Variants in RCOR1 observed in about 807,000 individuals in gnomAD.
The protein encoded by RCOR1 is REST corepressor 1, also known as REST corepressor.
Under a neutral mutation model 64.0 loss-of-function variants are expected in RCOR1, and 12 were observed. The observed-to-expected ratio is 0.19, with a 90% CI of 0.12 to 0.30. The LOEUF (loss-of-function observed/expected upper bound fraction) is 0.30. Among genes scored for constraint, RCOR1 ranks in the 10% least tolerant of loss-of-function variants. RCOR1 has a pLI of 1.00. For synonymous variants in RCOR1, 279 were observed against 227.2 expected (o/e 1.23, Z -2.05); for missense variants, 502 against 621.2 (o/e 0.81, Z 2.04).
In RCOR1 at chr14:102,717,179, A is replaced by G. The variant is rs116041206; in HGVS notation, c.1053+2562A>G. On this transcript the variant is annotated intron_variant, in intron 8 of 11. Coordinates refer to ENST00000262241, the MANE Select transcript of RCOR1 (RefSeq NM_015156.4). ...ATAGTACATTTAAACTGAAAATTCA[A>G]CCTAGTAGTTGGGTCCTGTCCTTTC... Among the ~76,000 whole-genome samples the G allele has an allele frequency of 8.4e-3, 1,283 of 152,348 alleles. 20 individuals carry two copies. The highest frequency in any genetic ancestry group is 0.029 in the African/African-American group (1,192 of 41,574).
intron 2 of RCOR1, among the ~76,000 whole-genome samples, chr14:102,681,123 G>C (rs1210374386): frequency 6.6e-6 from 1 of 152,124 alleles, no homozygotes; most frequent in African/African-American, 2.4e-5. Flanking sequence ...TTTGTTTATA[G>C]TAGGTTGTAT....
At chr14:102,625,462 T>G (rs1893961263) in intron 2 of RCOR1, among the ~76,000 whole-genome samples, 1 of 151,804 alleles carries the variant, frequency 6.6e-6, no homozygotes, top group South Asian at 2.1e-4. Context: ...CTCGAACTCC[T>G]GACCTCAGGT....
intron 3 of RCOR1, among the ~76,000 whole-genome samples, chr14:102,698,046 G>T (rs1895681845): frequency 2.0e-5 from 3 of 152,250 alleles, no homozygotes; most frequent in Admixed American, 1.3e-4. Flanking sequence ...AAAGTTACAT[G>T]ACTTTAAAGG....
intron 2 of RCOR1, among the ~76,000 whole-genome samples, chr14:102,611,843 A>G (rs1248437310): frequency 1.3e-5 from 2 of 152,046 alleles, no homozygotes; most frequent in East Asian, 3.9e-4. Flanking sequence ...TTTTATTTAT[A>G]TTTTTAGAGA....
intron 2 of RCOR1, among the ~76,000 whole-genome samples, chr14:102,679,611 TGGGACTACAG>T (rs1468385796): frequency 3.9e-5 from 6 of 152,168 alleles, no homozygotes; most frequent in Non-Finnish European, 8.8e-5. Flanking sequence ...CCCGAGTAGC[TGGGACTACAG>T]GCGCCCGCCA....
chr14:102,652,485 T>G (rs1194260080), intron 2 of RCOR1, among the ~76,000 whole-genome samples: 1 of 144,540 alleles, frequency 6.9e-6, no homozygotes. Context: ...TCAAACGCCC[T>G]GTTTTCTTTA....
intron 2 of RCOR1, chr14:102,655,330 T>C: frequency 2.0e-6 from 2 of 985,258 alleles, no homozygotes; most frequent in Non-Finnish European, 2.4e-6. Context: ...TCTGACCTGT[T>C]GTACTTTACT....
intron 2 of RCOR1, among the ~76,000 whole-genome samples, chr14:102,629,608 C>G (rs938698409): frequency 3.3e-5 from 5 of 152,090 alleles, no homozygotes; most frequent in African/African-American, 1.2e-4. Context: ...GTATAGGTGT[C>G]TGGCCTGGAA....
intron 2 of RCOR1, among the ~76,000 whole-genome samples, chr14:102,673,704 C>T (rs1023333370): frequency 2.0e-5 from 3 of 152,070 alleles, no homozygotes; most frequent in Non-Finnish European, 4.4e-5. Flanking sequence ...CAACCTCCGC[C>T]TCCCGGGTTC....
Position 102,699,421 on chromosome 14 carries a change from T to C in RCOR1, c.446-1857T>C, listed in dbSNP as rs1208293603. Among the ~76,000 whole-genome samples, 4 of 152,218 alleles carry C rather than the reference T, an allele frequency of 2.6e-5. No individual in the cohort carries two copies. In the East Asian group the frequency reaches 7.7e-4, roughly 29 times the overall value. On this transcript the variant is annotated intron_variant, in intron 3 of 11. Transcript: ENST00000262241. ...TTAGGTTGACTTTTTCTTTTGTCAATGGAATATTTTTCCCCAATTTTTAGA... is the reference window on the plus strand; with the variant it reads ...TTAGGTTGACTTTTTCTTTTGTCAACGGAATATTTTTCCCCAATTTTTAGA...
intron 2 of RCOR1, among the ~76,000 whole-genome samples, chr14:102,681,084 C>T (rs1895292501): frequency 6.6e-6 from 1 of 152,032 alleles, no homozygotes; most frequent in Admixed American, 6.6e-5. Context: ...AGAAGAAATT[C>T]GTCAACCAGA....
chr14:102,714,607 T>G lies in RCOR1; in HGVS notation c.1043T>G (p.Val348Gly). Residue 348 changes from valine to glycine, a missense_variant, in exon 8 of 12, where the codon GTC becomes GGC. Around this residue, in one of 2 missense-constraint regions of RCOR1, gnomAD observed 260 missense variants for 416.4 expected, o/e 0.62. Coordinates refer to ENST00000262241, the MANE Select transcript of RCOR1 (RefSeq NM_015156.4). ...CAACTAGACATGGAATTGGTTTCAG[T>G]CAAACGACAGGTACTCATAAGCCTG... ...LRQLDMELVS[V>G]KRQIQNIKQT... 1 of 1,607,378 alleles carries G rather than the reference T, an allele frequency of 6.2e-7. No homozygotes were observed. The highest frequency in any genetic ancestry group is 8.5e-7 in the Non-Finnish European group (1 of 1,176,074).
chr14:102,710,851 A>G (rs1018729716), intron 6 of RCOR1, 84 bp from the exon 7 acceptor site: 21 of 934,454 alleles, frequency 2.2e-5, no homozygotes, highest in East Asian at 1.3e-4. Flanking sequence ...AATTAGTACA[A>G]AATTTTCAGT....
rs1894791937 is a variant in RCOR1, at chr14:102,659,595, G to C, written c.362-22300G>C. Among the ~76,000 whole-genome samples, 3 of 152,198 alleles carry C rather than the reference G, an allele frequency of 2.0e-5. 1 individual carries two copies. The South Asian group carries it at 6.2e-4, about 32-fold the overall frequency. The stretch of plus-strand genomic sequence containing the variant: ...TATCACCTCTGCCAAGACACTTCAT[G>C]TGTATGGTTTCCCCACCTTTAAGTA... On this transcript the variant is annotated intron_variant, in intron 2 of 11. Transcript: ENST00000262241.
chr14:102,714,087 T>G (rs1029019213), intron 7 of RCOR1, among the ~76,000 whole-genome samples: 1 of 152,256 alleles, frequency 6.6e-6, no homozygotes, highest in Non-Finnish European at 1.5e-5. Context: ...GATGTGTGTG[T>G]GGCCACAAAA....
chr14:102,606,418 C>G (rs1435217420), intron 2 of RCOR1, among the ~76,000 whole-genome samples: 1 of 152,008 alleles, frequency 6.6e-6, no homozygotes, highest in South Asian at 2.1e-4. Context: ...TTTACTTTTA[C>G]TGGCATAGAA....
intron 2 of RCOR1, among the ~76,000 whole-genome samples, chr14:102,643,886 T>G (rs932539067): frequency 6.6e-6 from 1 of 152,200 alleles, no homozygotes; most frequent in Non-Finnish European, 1.5e-5. Flanking sequence ...ATTAGAAGGT[T>G]CTTCTTTGGG....
intron 3 of RCOR1, among the ~76,000 whole-genome samples, chr14:102,687,436 C>A (rs756265107): frequency 6.6e-6 from 1 of 152,180 alleles, no homozygotes; most frequent in Non-Finnish European, 1.5e-5. Context: ...AACATTAATA[C>A]TATACTAGTT....
At chr14:102,722,086 C>T in intron 10 of RCOR1, 101 bp from the exon 11 acceptor site, 1 of 818,438 alleles carries the variant, frequency 1.2e-6, no homozygotes. Context: ...CTGTTAAAAG[C>T]CTGTATGTTT....
Sources: allele counts gnomAD v4.1 joint callset (sites outside exome capture counted in the v4.1 genomes callset), GRCh38; gene constraint gnomAD v4.1.1; regional missense constraint gnomAD v4.1.1; transcripts MANE v1.5; gene names NCBI Gene and HGNC (gene_info 2026-07-23, HGNC 2026-07-21).